Variants in ROBO2 observed in about 807,000 individuals in gnomAD.
ROBO2 encodes roundabout homolog 2.
Under a neutral mutation model 160.8 loss-of-function variants are expected in ROBO2, and 53 were observed. That is an observed-to-expected ratio of 0.33 (90% CI 0.26 to 0.41). ROBO2 has a LOEUF of 0.41. ROBO2 is among the 10% of genes least tolerant of loss of function. The pLI is 1.00. For missense variants in ROBO2, 1,577 were observed against 1,722.4 expected (o/e 0.92, Z 1.49); for synonymous variants, 664 against 611.7 (o/e 1.09, Z -1.26).
At chr3:76,994,355 A>G (rs1213967582) in intron 2 of ROBO2, among the ~76,000 whole-genome samples, 5 of 150,754 alleles carry the variant, frequency 3.3e-5, no homozygotes, top group Non-Finnish European at 7.4e-5. Context: ...ACGGGAAAGC[A>G]CATGTTGAGT....
chr3:77,643,679 C>A (rs764717374), intron 24 of ROBO2, among the ~76,000 whole-genome samples: 2 of 152,116 alleles, frequency 1.3e-5, no homozygotes, highest in Non-Finnish European at 2.9e-5. Context: ...CACATACACA[C>A]AATCTTTGAA....
chr3:76,449,374 T>C (rs558410287), intron 2 of ROBO2, among the ~76,000 whole-genome samples: 1 of 152,276 alleles, frequency 6.6e-6, no homozygotes, highest in African/African-American at 2.4e-5. Context: ...AGAATAGATT[T>C]TTAGCATTCA....
chr3:76,609,956 ATTC>A (rs1449947730), intron 2 of ROBO2, among the ~76,000 whole-genome samples: 1 of 152,132 alleles, frequency 6.6e-6, no homozygotes, highest in East Asian at 1.9e-4. Flanking sequence ...AATTGAAATG[ATTC>A]TGGGTTTTTG....
At chr3:76,476,729 CTACTTTAAAA>C (rs2078950358) in intron 2 of ROBO2, among the ~76,000 whole-genome samples, 1 of 152,086 alleles carries the variant, frequency 6.6e-6, no homozygotes, top group African/African-American at 2.4e-5. Context: ...TCAGGCTGAG[CTACTTTAAAA>C]TAAACTTCGG....
At chr3:76,862,498 G>A (rs1385851943) in intron 2 of ROBO2, among the ~76,000 whole-genome samples, 3 of 152,106 alleles carry the variant, frequency 2.0e-5, no homozygotes, top group Non-Finnish European at 4.4e-5. Flanking sequence ...GTTTAATGAA[G>A]AAGGAGGCAG....
At chr3:77,464,458 G>C (rs949576659) in intron 2 of ROBO2, among the ~76,000 whole-genome samples, 1 of 152,164 alleles carries the variant, frequency 6.6e-6, no homozygotes, top group Non-Finnish European at 1.5e-5. Context: ...AGAAAGGCCT[G>C]AGGAAATGTG....
chr3:75,932,162 G>GA (rs1947573617), intron 1 of ROBO2, among the ~76,000 whole-genome samples: 1 of 152,114 alleles, frequency 6.6e-6, no homozygotes, highest in Non-Finnish European at 1.5e-5. Context: ...TGTTTAGGAG[G>GA]AAAAATCACC....
intron 2 of ROBO2, among the ~76,000 whole-genome samples, chr3:76,757,739 C>A (rs1226317413): frequency 6.6e-6 from 1 of 151,744 alleles, no homozygotes; most frequent in Admixed American, 6.6e-5. Context: ...CATAATTACA[C>A]AAATGAGTTT....
chr3:77,350,042 T>C (rs1424919046), intron 2 of ROBO2, among the ~76,000 whole-genome samples: 1 of 151,700 alleles, frequency 6.6e-6, no homozygotes, highest in Non-Finnish European at 1.5e-5. Flanking sequence ...CTGACACCTG[T>C]ACGTCCCTGC....
rs1284919350 is a variant in ROBO2, at chr3:76,704,885, T to G, written c.110-393129T>G. On this transcript the variant is annotated intron_variant, in intron 2 of 26. Coordinates refer to the ROBO2 transcript ENST00000487694. ...GCCTTATAATGAAGGTGTTTTTGAT[T>G]AATTAATTAATTAATTTATTTTGCA... is the stretch of plus-strand genomic sequence containing the variant. Among the ~76,000 whole-genome samples the G allele has an allele frequency of 5.9e-5, 9 of 152,212 alleles. No individual in the cohort carries two copies. The East Asian group carries it at 1.7e-3, about 29-fold the overall frequency.
chr3:76,901,087 A>G lies in ROBO2; in HGVS notation c.110-196927A>G, dbSNP rs140760170. On this transcript the variant is annotated intron_variant, in intron 2 of 26. Transcript: ENST00000487694. Reference sequence around the variant, plus strand: ...ACCCTGAGCTAATGTAATTTGCCCAATAACAGCAACATAACTATACCAGTG... The same window carrying G: ...ACCCTGAGCTAATGTAATTTGCCCAGTAACAGCAACATAACTATACCAGTG... Among the ~76,000 whole-genome samples the G allele has an allele frequency of 7.4e-3, 1,132 of 152,258 alleles. 18 individuals are homozygous for G. Among genetic ancestry groups the G allele is most frequent in the Non-Finnish European group, 9.0e-3 (609 of 68,012 alleles).
intron 2 of ROBO2, among the ~76,000 whole-genome samples, chr3:76,023,656 C>CTA (rs994693672): frequency 6.5e-4 from 98 of 151,422 alleles, no homozygotes; most frequent in African/African-American, 2.3e-3. Flanking sequence ...ATAACTATAA[C>CTA]TATATATATA....
intron 2 of ROBO2, among the ~76,000 whole-genome samples, chr3:76,137,356 T>A (rs553714924): frequency 6.6e-6 from 1 of 152,108 alleles, no homozygotes; most frequent in African/African-American, 2.4e-5. Context: ...AAACGTCCAA[T>A]CCTAGAAAAC....
At chr3:76,296,372 C>T (rs1041376968) in intron 2 of ROBO2, among the ~76,000 whole-genome samples, 1 of 152,182 alleles carries the variant, frequency 6.6e-6, no homozygotes, top group Non-Finnish European at 1.5e-5. Flanking sequence ...TTTGTTACAG[C>T]AGCCACAGGA....
At chr3:77,121,691 T>A (rs1015582824) in intron 2 of ROBO2, among the ~76,000 whole-genome samples, 12 of 152,134 alleles carry the variant, frequency 7.9e-5, no homozygotes, top group Admixed American at 4.6e-4. Flanking sequence ...TTGTAGGTAT[T>A]GTTTTATATT....
chr3:76,529,595 A>G (rs1020158187), intron 2 of ROBO2, among the ~76,000 whole-genome samples: 1 of 152,186 alleles, frequency 6.6e-6, no homozygotes, highest in African/African-American at 2.4e-5. Flanking sequence ...GGAAATGGGT[A>G]TTCAATGAGA....
chr3:77,609,124 T>C (rs2094578836), intron 21 of ROBO2, among the ~76,000 whole-genome samples: 1 of 151,940 alleles, frequency 6.6e-6, no homozygotes, highest in Non-Finnish European at 1.5e-5. Context: ...ATATTTTTTG[T>C]CTATGTCTTC....
intron 2 of ROBO2, among the ~76,000 whole-genome samples, chr3:76,871,170 T>C (rs2072009661): frequency 6.6e-6 from 1 of 152,236 alleles, no homozygotes; most frequent in Non-Finnish European, 1.5e-5. Context: ...CACTCACTAT[T>C]TCAAATTCCT....
chr3:75,959,649 G>T (rs886762537), intron 2 of ROBO2, among the ~76,000 whole-genome samples: 1 of 151,526 alleles, frequency 6.6e-6, no homozygotes, highest in African/African-American at 2.4e-5. Context: ...TTTACATTTT[G>T]AATTGTGTTT....
Sources: gnomAD v4.1 joint callset for allele counts (sites outside exome capture counted in the v4.1 genomes callset) on GRCh38, gnomAD v4.1.1 for gene constraint, MANE v1.5 for transcripts, NCBI Gene and HGNC (gene_info 2026-07-23, HGNC 2026-07-21) for gene names.